The following PGBD5 variants were observed in gnomAD, a reference collection of about 807,000 sequenced individuals.
PGBD5 encodes piggyBac transposable element-derived protein 5.
In PGBD5, 14 loss-of-function variants were observed where a neutral mutation model predicts 47.9. The observed-to-expected ratio is 0.29, with a 90% confidence interval of 0.19 to 0.46. The LOEUF is 0.46. Among genes scored for constraint, PGBD5 ranks in the 20% least tolerant of loss-of-function variants. The pLI, the probability that PGBD5 is intolerant of heterozygous loss-of-function variation, is 1.00. For synonymous variants in PGBD5, 316 were observed against 306.3 expected (o/e 1.03, Z -0.33); for missense variants, 635 against 716.0 (o/e 0.89, Z 1.29).
At chr1:230,402,815 T>C (rs188704172) in intron 1 of PGBD5, among the ~76,000 whole-genome samples, 1 of 152,332 alleles carries the variant, frequency 6.6e-6, no homozygotes, top group East Asian at 1.9e-4. Flanking sequence ...TCTCAATGAT[T>C]ATATATTTAG....
chr1:230,328,178 C>T lies in PGBD5; in HGVS notation c.1274-2763G>A, dbSNP rs141495667. Among the ~76,000 whole-genome samples the T allele has an allele frequency of 1.3e-4, 20 of 152,350 alleles. No homozygotes were observed. In the East Asian group the frequency reaches 3.7e-3, roughly 28 times the overall value. On this transcript the variant is annotated intron_variant, in intron 5 of 6. Coordinates refer to ENST00000391860, the MANE Select transcript of PGBD5 (RefSeq NM_001258311.2). The stretch of plus-strand genomic sequence containing the variant: ...GCAGCTTTTCACCTCCTGATTTCAG[C>T]CCAATAAGAGCAGAGGCTCCTGGAC...
At position 230,337,869 on chromosome 1, in the gene PGBD5, G is replaced by A. The variant is rs571398170; in HGVS notation, c.895-581C>T. Among the ~76,000 whole-genome samples, 10 of 152,306 alleles carry A rather than the reference G, an allele frequency of 6.6e-5. No individual in the cohort carries two copies. The South Asian group carries it at 1.0e-3, about 16-fold the overall frequency. On this transcript the variant is annotated intron_variant, in intron 3 of 6. Coordinates refer to ENST00000391860, the MANE Select transcript of PGBD5 (RefSeq NM_001258311.2). ...GGGACTCAGTCAGCAATTTTTAAAC[G>A]TCGTTTCATGCTGCTTCCATGAACA...
intron 1 of PGBD5, among the ~76,000 whole-genome samples, chr1:230,393,742 G>A (rs777254268): frequency 1.1e-4 from 16 of 150,900 alleles, no homozygotes; most frequent in Admixed American, 1.0e-3. Context: ...GGAGAATGGC[G>A]TGAACCCGGG....
chr1:230,384,345 G>A (rs1036205231), intron 1 of PGBD5, among the ~76,000 whole-genome samples: 2 of 152,144 alleles, frequency 1.3e-5, no homozygotes, highest in Admixed American at 1.3e-4. Context: ...GGAGATCTGA[G>A]GGATGTATGT....
At chr1:230,419,904 T>C (rs1376774383) in intron 1 of PGBD5, among the ~76,000 whole-genome samples, 1 of 152,162 alleles carries the variant, frequency 6.6e-6, no homozygotes, top group Non-Finnish European at 1.5e-5. Context: ...GGCAGGTGGA[T>C]CACCTGAGGT....
intron 1 of PGBD5, among the ~76,000 whole-genome samples, chr1:230,413,518 G>T (rs543909670): frequency 6.6e-6 from 1 of 152,042 alleles, no homozygotes; most frequent in East Asian, 1.9e-4. Context: ...GGGCGGGGAG[G>T]GGAAGAGAGG....
At chr1:230,401,076 T>C (rs964707543) in intron 1 of PGBD5, among the ~76,000 whole-genome samples, 3 of 152,240 alleles carry the variant, frequency 2.0e-5, no homozygotes, top group Non-Finnish European at 2.9e-5. Context: ...CCTCATTCAC[T>C]GTCCCTCCCA....
At chr1:230,372,280 G>A (rs377054502) in intron 1 of PGBD5, among the ~76,000 whole-genome samples, 13 of 152,316 alleles carry the variant, frequency 8.5e-5, no homozygotes, top group East Asian at 5.8e-4. Flanking sequence ...GAGCAGTTTC[G>A]TTGCTGGTGA....
At chr1:230,354,296 G>C (rs1024316978) in intron 2 of PGBD5, among the ~76,000 whole-genome samples, 335 of 152,282 alleles carry the variant, frequency 2.2e-3, no homozygotes, top group Non-Finnish European at 2.7e-3. Flanking sequence ...CTGTATGATG[G>C]AGTGTGCTGG....
At position 230,317,010 on chromosome 1, in the gene PGBD5, T is replaced by C. The variant is rs553553940; in HGVS notation, c.*6415A>G. ...TCAGACTCTTGTGTTTGCAGGGATG[T>C]GCTAAGCCAGGTGCATGTGATGCCT... On this transcript the variant is annotated 3_prime_UTR_variant, in exon 7 of 7. Coordinates refer to ENST00000391860, the MANE Select transcript of PGBD5 (RefSeq NM_001258311.2). The C allele has an allele frequency of 1.3e-5, 2 of 152,336 alleles. No homozygotes were observed. The highest frequency in any genetic ancestry group is 1.3e-4 in the Admixed American group (2 of 15,304). The allele number at this position is 152,336 out of a possible 1,614,324, so 9.4% of individuals were successfully genotyped here. A position where few individuals can be genotyped will look rare whatever the true frequency, so the allele number is the denominator to read the frequency against.
At chr1:230,327,117 C>T (rs895487701) in intron 5 of PGBD5, among the ~76,000 whole-genome samples, 5 of 152,112 alleles carry the variant, frequency 3.3e-5, no homozygotes, top group Admixed American at 2.0e-4. Flanking sequence ...TCCTAACAGC[C>T]GCGGCCATTC....
chr1:230,418,035 A>G (rs947132776), intron 1 of PGBD5, among the ~76,000 whole-genome samples: 15 of 152,198 alleles, frequency 9.9e-5, no homozygotes, highest in Admixed American at 9.8e-4. Context: ...GGTGCCAGTA[A>G]CATTCAGTGG....
intron 1 of PGBD5, among the ~76,000 whole-genome samples, chr1:230,367,283 G>A (rs767039871): frequency 1.3e-5 from 2 of 152,108 alleles, no homozygotes; most frequent in African/African-American, 4.8e-5. Flanking sequence ...TGCCCCCAAC[G>A]TGCCAAACCA....
Position 230,320,971 on chromosome 1 carries a change from T to C in PGBD5, c.*2454A>G, listed in dbSNP as rs1183131462. 3.9e-5 allele frequency: 6 copies of C among 152,164 alleles called. No homozygotes were observed. Among genetic ancestry groups the C allele is most frequent in the Non-Finnish European group, 8.8e-5 (6 of 68,044 alleles). 9.4% of individuals were successfully genotyped at this position (152,164 alleles called of 1,614,324 possible). A position where few individuals can be genotyped will look rare whatever the true frequency, so the allele number is the denominator to read the frequency against. On this transcript the variant is annotated 3_prime_UTR_variant, in exon 7 of 7. Transcript: ENST00000391860. Reference sequence around the variant, plus strand: ...GTATCAGACAACAGGTGGCTGCCATTTTAGAAACAGAGTGTTACAATGTTA... The same window carrying C: ...GTATCAGACAACAGGTGGCTGCCATCTTAGAAACAGAGTGTTACAATGTTA...
chr1:230,346,854 G>A (rs768610122), intron 3 of PGBD5, among the ~76,000 whole-genome samples: 64 of 152,260 alleles, frequency 4.2e-4, no homozygotes, highest in Non-Finnish European at 6.9e-4. Flanking sequence ...TCCTACTGGA[G>A]AGGCAGTGAG....
intron 3 of PGBD5, 69 bp downstream of exon 3, chr1:230,350,889 C>A: frequency 6.4e-7 from 1 of 1,574,084 alleles, no homozygotes; most frequent in Non-Finnish European, 8.6e-7. Context: ...ATCAGATGAG[C>A]CCAAGTCGCC....
At chr1:230,330,289 T>C (rs1667193032) in intron 5 of PGBD5, among the ~76,000 whole-genome samples, 1 of 152,152 alleles carries the variant, frequency 6.6e-6, no homozygotes, top group Admixed American at 6.5e-5. Flanking sequence ...GGTAGAGAAG[T>C]ACAGCCTGCG....
intron 4 of PGBD5, among the ~76,000 whole-genome samples, chr1:230,336,765 C>A (rs1484835551): frequency 2.0e-5 from 3 of 152,150 alleles, no homozygotes; most frequent in African/African-American, 7.2e-5. Flanking sequence ...CAGAGACTTC[C>A]TAGAGCCTTA....
In PGBD5 at chr1:230,332,968, G is replaced by C; in HGVS notation, c.1149C>G (p.Asn383Lys). Residue 383 changes from asparagine to lysine, a missense_variant, in exon 5 of 7, where the codon AAC (asparagine) becomes AAG (lysine). Transcript: ENST00000391860. ...GGCCCCGGGCCGGGGGTGTGGCTGG[G>C]TTGGTCAGCATGGACAGTGGGAGGC... ...CTGLPLSMLT[N>K]PATPPARGQY... 3 of 1,614,054 alleles carry C rather than the reference G, an allele frequency of 1.9e-6. No homozygotes were observed. Among genetic ancestry groups the C allele is most frequent in the Non-Finnish European group, 2.5e-6 (3 of 1,179,928 alleles).
Sources: gnomAD v4.1 joint callset for allele counts (sites outside exome capture counted in the v4.1 genomes callset) on GRCh38, gnomAD v4.1.1 for gene constraint, MANE v1.5 for transcripts, NCBI Gene and HGNC (gene_info 2026-07-23, HGNC 2026-07-21) for gene names.